Variants in WNT7A observed in about 807,000 individuals in gnomAD.
WNT7A encodes protein Wnt-7a.
Under a neutral mutation model 28.2 loss-of-function variants are expected in WNT7A, and 16 were observed. The ratio of observed to expected loss-of-function variants is 0.57; its 90% CI spans 0.38 to 0.86. WNT7A has a LOEUF of 0.86. WNT7A is among the 40% of genes least tolerant of loss of function. The pLI, the probability that WNT7A is intolerant of heterozygous loss-of-function variation, is 0.00. For synonymous variants in WNT7A, 190 were observed against 195.9 expected, an observed-to-expected ratio of 0.97 and a Z score of 0.25; for missense variants, 411 against 489.7, an observed-to-expected ratio of 0.84 and a Z score of 1.52.
intron 3 of WNT7A, among the ~76,000 whole-genome samples, chr3:13,846,766 C>T (rs1186271129): frequency 6.6e-6 from 1 of 152,128 alleles, no homozygotes; most frequent in Non-Finnish European, 1.5e-5. Context: ...ACCCCCAGTC[C>T]TCAGGGACTG....
At chr3:13,869,734 G>A (rs908735084) in intron 2 of WNT7A, among the ~76,000 whole-genome samples, 1 of 151,822 alleles carries the variant, frequency 6.6e-6, no homozygotes, top group Non-Finnish European at 1.5e-5. Flanking sequence ...AGGAAGGAAG[G>A]AAGGAAAGAA....
chr3:13,821,097 C>G (rs1037519212), intron 3 of WNT7A, among the ~76,000 whole-genome samples: 3 of 152,242 alleles, frequency 2.0e-5, no homozygotes, highest in African/African-American at 7.2e-5. Context: ...GTTCCCAAAT[C>G]TCCAGCCTGC....
chr3:13,826,158 C>A (rs1231367791), intron 3 of WNT7A, among the ~76,000 whole-genome samples: 3 of 152,200 alleles, frequency 2.0e-5, no homozygotes, highest in African/African-American at 7.2e-5. Flanking sequence ...GACTATGACA[C>A]AAGGAGGTGC....
intron 2 of WNT7A, among the ~76,000 whole-genome samples, chr3:13,858,206 G>A (rs138294747): frequency 6.6e-6 from 1 of 152,178 alleles, no homozygotes. Flanking sequence ...CCACCGGCAG[G>A]CTCCAGCCAT....
At chr3:13,847,509 A>C (rs1259948792) in intron 3 of WNT7A, among the ~76,000 whole-genome samples, 1 of 152,176 alleles carries the variant, frequency 6.6e-6, no homozygotes, top group East Asian at 1.9e-4. Context: ...CTCCAGCTCT[A>C]AAACAATCCT....
intron 2 of WNT7A, among the ~76,000 whole-genome samples, chr3:13,874,321 T>C (rs1246448805): frequency 6.6e-6 from 1 of 152,216 alleles, no homozygotes; most frequent in Non-Finnish European, 1.5e-5. Context: ...ACCAGACTTT[T>C]GTTATAGTTG....
chr3:13,857,664 G>A (rs1340720031), intron 2 of WNT7A, among the ~76,000 whole-genome samples: 1 of 152,010 alleles, frequency 6.6e-6, no homozygotes, highest in Non-Finnish European at 1.5e-5. Context: ...CAAAGAGAAA[G>A]CTCTCCAACC....
chr3:13,819,098 G>C lies in WNT7A; in HGVS notation c.896C>G (p.Pro299Arg). The change falls in exon 4 of 4, where the codon CCC (proline) becomes CGC (arginine). Residue 299 changes from proline to arginine, a missense_variant. By Grantham distance (103) the Pro-to-Arg change is moderately radical. Transcript: ENST00000285018. ...TQGRACNKTA[P>R]QASGCDLMCC... ...CATGAGGTCACAGCCGCTGGCCTGGGGAGCCGTCTTGTTGCAGGCGCGGCC... is the reference window on the plus strand; with the variant it reads ...CATGAGGTCACAGCCGCTGGCCTGGCGAGCCGTCTTGTTGCAGGCGCGGCC... The C allele has an allele frequency of 6.2e-7, 1 of 1,614,132 alleles. No individual in the cohort carries two copies. Among genetic ancestry groups the C allele is most frequent in the Non-Finnish European group, 8.5e-7 (1 of 1,180,016 alleles).
At chr3:13,874,166 G>A (rs1196726021) in intron 2 of WNT7A, among the ~76,000 whole-genome samples, 1 of 152,168 alleles carries the variant, frequency 6.6e-6, no homozygotes, top group Non-Finnish European at 1.5e-5. Context: ...CTGGCTTTCA[G>A]GGAAGTTCAC....
intron 2 of WNT7A, among the ~76,000 whole-genome samples, chr3:13,857,033 C>T (rs1042158000): frequency 1.3e-5 from 2 of 151,692 alleles, no homozygotes; most frequent in East Asian, 1.9e-4. Context: ...GAGTAACACA[C>T]GCCCATCAGA....
rs1694047226 is a variant in WNT7A at position 13,818,351 on chromosome 3, C to CAAAAACAAAAAAAAAAAAAAAA, written c.*592_*593insTTTTTTTTTTTTTTTTGTTTTT. 1.3e-5 allele frequency: 1 copy of CAAAAACAAAAAAAAAAAAAAAA among 79,952 alleles called. No individual in the cohort carries two copies. Among genetic ancestry groups the CAAAAACAAAAAAAAAAAAAAAA allele is most frequent in the Non-Finnish European group, 2.5e-5 (1 of 40,528 alleles). 5.0% of individuals were successfully genotyped at this position (79,952 alleles called of 1,614,324 possible). A position where few individuals can be genotyped will look rare whatever the true frequency, so the allele number is the denominator to read the frequency against. The stretch of plus-strand genomic sequence containing the variant: ...TTTCTGGATAAGTAGCAGCAAACAG[C>CAAAAACAAAAAAAAAAAAAAAA]AAAAAAAAAAAAAAAAATGTGTGTG... On this transcript the variant is annotated 3_prime_UTR_variant, in exon 4 of 4. Transcript: ENST00000285018.
intron 2 of WNT7A, 26 bp from the exon 3 acceptor site, chr3:13,854,829 A>C (rs1390504891): frequency 1.2e-6 from 2 of 1,610,102 alleles, no homozygotes; most frequent in African/African-American, 2.7e-5. Flanking sequence ...AAGAGGAGAC[A>C]AGTTGGGGTC....
chr3:13,840,533 C>T (rs2124844725), intron 3 of WNT7A, among the ~76,000 whole-genome samples: 1 of 152,254 alleles, frequency 6.6e-6, no homozygotes, highest in East Asian at 1.9e-4. Context: ...TCCAACTTTC[C>T]AGCAGTGAGC....
rs1124480 is a variant in WNT7A at position 13,816,472 on chromosome 3, T to C, written c.*2472A>G. ...GATGACTCTTCTGAGACTGTGTTTA[T>C]GTAACTATCATTGAACACTCATCTG... is the stretch of plus-strand genomic sequence containing the variant. On this transcript the variant is annotated 3_prime_UTR_variant, in exon 4 of 4. Coordinates refer to ENST00000285018, the MANE Select transcript of WNT7A (RefSeq NM_004625.4). 0.44 allele frequency: 66,633 copies of C among 152,192 alleles called. 14,880 individuals carry two copies. The highest frequency in any genetic ancestry group is 0.56 in the South Asian group (2,707 of 4,808). 9.4% of individuals were successfully genotyped at this position (152,192 alleles called of 1,614,324 possible). A position where few individuals can be genotyped will look rare whatever the true frequency, so the allele number is the denominator to read the frequency against.
chr3:13,862,781 G>A (rs924122331), intron 2 of WNT7A, among the ~76,000 whole-genome samples: 2 of 152,240 alleles, frequency 1.3e-5, no homozygotes, highest in African/African-American at 4.8e-5. Flanking sequence ...TCTTCCCACT[G>A]AGCAAGGCCA....
In WNT7A at chr3:13,821,027, C is replaced by A. The variant is rs562873342; in HGVS notation, c.571-1604G>T. On this transcript the variant is annotated intron_variant, in intron 3 of 3. Transcript: ENST00000285018. ...CCCTTCAAATGCAGGCTGCGTCCCACAAATCTGTGTCCCCAAAACAACACA... is the reference window on the plus strand; with the variant it reads ...CCCTTCAAATGCAGGCTGCGTCCCAAAAATCTGTGTCCCCAAAACAACACA... 2.6e-5 allele frequency among the ~76,000 whole-genome samples: 4 copies of A among 152,348 alleles called. No homozygotes were observed. In the East Asian group the frequency reaches 7.7e-4, roughly 29 times the overall value.
At chr3:13,835,978 C>T (rs1575062921) in intron 3 of WNT7A, among the ~76,000 whole-genome samples, 1 of 152,060 alleles carries the variant, frequency 6.6e-6, no homozygotes. Flanking sequence ...ACAGGAAATC[C>T]ATAGAGACAG....
At chr3:13,855,365 G>A (rs1197554135) in intron 2 of WNT7A, among the ~76,000 whole-genome samples, 1 of 76,500 alleles carries the variant, frequency 1.3e-5, no homozygotes, top group African/African-American at 1.4e-4. Context: ...TCATGGCAAT[G>A]AGGGAGAATG....
intron 2 of WNT7A, 139 bp from the exon 3 acceptor site, chr3:13,854,942 C>G: frequency 8.8e-7 from 1 of 1,140,162 alleles, no homozygotes; most frequent in Non-Finnish European, 1.3e-6. Flanking sequence ...TCCTAACTTC[C>G]AACAAAGCTC....
Sources: allele counts gnomAD v4.1 joint callset (sites outside exome capture counted in the v4.1 genomes callset), GRCh38; gene constraint gnomAD v4.1.1; transcripts MANE v1.5; gene names NCBI Gene and HGNC (gene_info 2026-07-23, HGNC 2026-07-21).